The following AGER variants were observed in gnomAD, a reference collection of about 807,000 sequenced individuals.
The protein encoded by AGER is advanced glycation end product-specific receptor.
A neutral mutation model predicts 48.8 loss-of-function variants in AGER; 46 were observed. The observed-to-expected ratio is 0.94, with a 90% CI of 0.74 to 1.20. AGER has a LOEUF of 1.20. Ranked by LOEUF, AGER falls within the 50% of genes most tolerant of loss-of-function variation. AGER has a pLI of 0.00. For missense variants in AGER, 489 were observed against 515.0 expected (o/e 0.95, Z 0.49); for synonymous variants, 170 against 199.9 (o/e 0.85, Z 1.26).
At chr6:32,183,278 C>T in intron 4 of AGER, 46 bp downstream of exon 4, 2 of 1,613,124 alleles carry the variant, frequency 1.2e-6, no homozygotes, top group Non-Finnish European at 1.7e-6. Context: ...ACACTCGCCT[C>T]CTGTTCACAG....
Position 32,182,448 on chromosome 6 carries a change from T to G in AGER, c.823-60A>C. On this transcript the variant is annotated intron_variant, in intron 7 of 10. Transcript: ENST00000375076. This position sits in a 1 kb window ranked among gnomAD's most constrained non-coding sequence, Gnocchi z 5.1. Reference sequence around the variant, plus strand: ...ACCCTTGTCTTTTTGTCTCCATATCTTCAGATACCCTCTCTTCCTCCTCAG... The same window carrying G: ...ACCCTTGTCTTTTTGTCTCCATATCGTCAGATACCCTCTCTTCCTCCTCAG... 1 of 1,589,548 alleles carries G rather than the reference T, an allele frequency of 6.3e-7. No individual in the cohort carries two copies. Among genetic ancestry groups the G allele is most frequent in the Non-Finnish European group, 8.6e-7 (1 of 1,166,900 alleles).
chr6:32,183,485 G>T, intron 3 of AGER, 70 bp downstream of exon 3: 2 of 1,609,492 alleles, frequency 1.2e-6, no homozygotes, highest in Non-Finnish European at 1.7e-6. Context: ...GCCCTCATGG[G>T]CCAAGGCTGG....
rs1185325795 is a variant in AGER, at chr6:32,181,128, C to T, written c.*15G>A. 6 of 1,613,202 alleles carry T rather than the reference C, an allele frequency of 3.7e-6. No individual in the cohort carries two copies. Among genetic ancestry groups the T allele is most frequent in the Non-Finnish European group, 5.1e-6 (6 of 1,179,284 alleles). On this transcript the variant is annotated 3_prime_UTR_variant, in exon 11 of 11. Coordinates refer to ENST00000375076, the MANE Select transcript of AGER (RefSeq NM_001136.5). The surrounding 1 kb of genome is among the most constrained non-coding windows in gnomAD (Gnocchi z 4.1). The stretch of plus-strand genomic sequence containing the variant: ...AGAAAAGGGAGCTGATGGATGGGAT[C>T]TGTCTGTGGGCCCCTCAAGGCCCTC...
chr6:32,181,110 G>A lies in AGER; in HGVS notation c.*33C>T, dbSNP rs1786095684. Reference sequence around the variant, plus strand: ...GAACAGTTCAAGGGAAAAAGAAAAGGGAGCTGATGGATGGGATCTGTCTGT... The same window carrying A: ...GAACAGTTCAAGGGAAAAAGAAAAGAGAGCTGATGGATGGGATCTGTCTGT... On this transcript the variant is annotated 3_prime_UTR_variant, in exon 11 of 11. Transcript: ENST00000375076. The surrounding 1 kb of genome is among the most constrained non-coding windows in gnomAD (Gnocchi z 4.1). 1.9e-6 allele frequency: 3 copies of A among 1,605,728 alleles called. No individual in the cohort carries two copies. The highest frequency in any genetic ancestry group is 2.2e-5 in the East Asian group (1 of 44,830).
Position 32,182,624 on chromosome 6 carries a change from T to C in AGER, c.766A>G (p.Thr256Ala), listed in dbSNP as rs1216234933. 8 of 1,612,862 alleles carry C rather than the reference T, an allele frequency of 5.0e-6. No homozygotes were observed. Among genetic ancestry groups the C allele is most frequent in the Non-Finnish European group, 6.8e-6 (8 of 1,180,008 alleles). ...GGAVAPGGTV[T>A]LTCEVPAQPS... Reference sequence around the variant, plus strand: ...TGGGCAGGGACTTCACAGGTCAGGGTTACGGTTCCACCAGGAGCTACTGCT... The same window carrying C: ...TGGGCAGGGACTTCACAGGTCAGGGCTACGGTTCCACCAGGAGCTACTGCT... Residue 256 changes from threonine to alanine, a missense_variant, in exon 7 of 11, where the codon ACC becomes GCC. Thr to Ala is a moderately conservative substitution (Grantham distance 58). Coordinates refer to ENST00000375076, the MANE Select transcript of AGER (RefSeq NM_001136.5). The surrounding 1 kb of genome is among the most constrained non-coding windows in gnomAD (Gnocchi z 5.1).
chr6:32,182,971 T>C lies in AGER; in HGVS notation c.561A>G (p.Thr187=). Reference sequence around the variant, plus strand: ...GGGTCACCATTAGCTCCGACTGCAGTGTGAAGAGCCCTGTCTCAGGGTGTC... The same window carrying C: ...GGGTCACCATTAGCTCCGACTGCAGCGTGAAGAGCCCTGTCTCAGGGTGTC... ...TRRHPETGLF[T]LQSELMVTPA... is the part of the protein sequence containing the mutation. The change falls in exon 6 of 11, where the codon ACA becomes ACG. Residue 187 remains threonine, a synonymous_variant. Transcript: ENST00000375076. The surrounding 1 kb of genome is among the most constrained non-coding windows in gnomAD (Gnocchi z 5.1). 6.2e-7 allele frequency: 1 copy of C among 1,612,824 alleles called. No homozygotes were observed. Among genetic ancestry groups the C allele is most frequent in the South Asian group, 1.1e-5 (1 of 91,082 alleles).
At position 32,181,556 on chromosome 6, in the gene AGER, C is replaced by T. The variant is rs1786217830; in HGVS notation, c.991+50G>A. The T allele has an allele frequency of 1.9e-6, 3 of 1,613,136 alleles. No individual in the cohort carries two copies. The highest frequency in any genetic ancestry group is 2.5e-6 in the Non-Finnish European group (3 of 1,180,036). On this transcript the variant is annotated intron_variant, in intron 9 of 10. Transcript: ENST00000375076. This position sits in a 1 kb window ranked among gnomAD's most constrained non-coding sequence, Gnocchi z 4.1. ...TTCTTGTTGACCATCCCCCCAGTCA[C>T]ATGTGTTGGGGGCTATCTTCTGCTT...
rs970004346 is a variant in AGER, at chr6:32,183,340, G to A, written c.404C>T (p.Ala135Val). 5.6e-6 allele frequency: 9 copies of A among 1,613,010 alleles called. No homozygotes were observed. Among genetic ancestry groups the A allele is most frequent in the Non-Finnish European group, 7.6e-6 (9 of 1,180,042 alleles). The change falls in exon 4 of 11, where the codon GCT becomes GTT. Residue 135 changes from alanine to valine, a missense_variant. By Grantham distance (64) the Ala-to-Val change is moderately conservative (BLOSUM62 0). Coordinates refer to ENST00000375076, the MANE Select transcript of AGER (RefSeq NM_001136.5). Reference protein sequence around the residue: ...EIVDSASELTAGVPNKVGTCV... With the variant: ...EIVDSASELTVGVPNKVGTCV... ...TTCCACTACCTTATTGGGAACACCAGCCGTGAGTTCAGAGGCAGAATCTAC... is the reference window on the plus strand; with the variant it reads ...TTCCACTACCTTATTGGGAACACCAACCGTGAGTTCAGAGGCAGAATCTAC...
Position 32,181,155 on chromosome 6 carries a change from A to G in AGER, c.1203T>C (p.Thr401=), listed in dbSNP as rs1361358489. 6.2e-7 allele frequency: 1 copy of G among 1,614,106 alleles called. No individual in the cohort carries two copies. The highest frequency in any genetic ancestry group is 8.5e-7 in the Non-Finnish European group (1 of 1,180,042). The change falls in exon 11 of 11, where the codon ACT becomes ACC. Residue 401 remains threonine, a synonymous_variant. Coordinates refer to ENST00000375076, the MANE Select transcript of AGER (RefSeq NM_001136.5). The surrounding 1 kb of genome is among the most constrained non-coding windows in gnomAD (Gnocchi z 4.1). ...SEEPEAGESS[T]GGP is the part of the protein sequence containing the mutation. ...GTCTGTGGGCCCCTCAAGGCCCTCC[A>G]GTACTACTCTCGCCTGCCTCAGGTT...
Position 32,182,773 on chromosome 6 carries a change from C to T in AGER, c.691+68G>A. 1 of 1,612,924 alleles carries T rather than the reference C, an allele frequency of 6.2e-7. No individual in the cohort carries two copies. Reference sequence around the variant, plus strand: ...CCAGTGGCCATGGGCTTGACTCCCTCTTTCCCTAAGGGTCAGACTTCCAGA... The same window carrying T: ...CCAGTGGCCATGGGCTTGACTCCCTTTTTCCCTAAGGGTCAGACTTCCAGA... On this transcript the variant is annotated intron_variant, in intron 6 of 10. Transcript: ENST00000375076. The surrounding 1 kb of genome is among the most constrained non-coding windows in gnomAD (Gnocchi z 5.1).
At position 32,181,968 on chromosome 6, in the gene AGER, G is replaced by A. The variant is rs536267051; in HGVS notation, c.964+279C>T. On this transcript the variant is annotated intron_variant, in intron 8 of 10. Transcript: ENST00000375076. The surrounding 1 kb of genome is among the most constrained non-coding windows in gnomAD (Gnocchi z 4.1). ...GGCTGGTCTCGAACTCCCTACCTCA[G>A]GTGATCTGCCCGCCTCAGCCTCCCA... is the stretch of plus-strand genomic sequence containing the variant. The A allele has an allele frequency of 3.9e-4, 245 of 633,678 alleles. 1 individual carries two copies. The East Asian group carries it at 6.4e-3, about 17-fold the overall frequency. 39.3% of individuals were successfully genotyped at this position (633,678 alleles called of 1,614,324 possible).
In AGER at chr6:32,182,041, CTTT is replaced by C; in HGVS notation, c.964+203_964+205del. ...AGCCACCGCGCCCAGCCGTCTGTTCCTTTTTTTAGCTCAGAGGGAAGAAGGGAG... is the reference window on the plus strand; with the variant it reads ...AGCCACCGCGCCCAGCCGTCTGTTCCTTTTAGCTCAGAGGGAAGAAGGGAG... On this transcript the variant is annotated intron_variant, in intron 8 of 10. Coordinates refer to ENST00000375076, the MANE Select transcript of AGER (RefSeq NM_001136.5). The surrounding 1 kb of genome is among the most constrained non-coding windows in gnomAD (Gnocchi z 5.1). 1 of 824,234 alleles carries C rather than the reference CTTT, an allele frequency of 1.2e-6. No homozygotes were observed. The highest frequency in any genetic ancestry group is 2.0e-5 in the Admixed American group (1 of 49,864). 51.1% of individuals were successfully genotyped at this position (824,234 alleles called of 1,614,324 possible).
chr6:32,182,824 T>C lies in AGER; in HGVS notation c.691+17A>G, dbSNP rs746995884. ...ACGTGCTCACGTGAGCTTGGGGCCCTCCCCACCTATGCTCACCCCAGACAC... is the reference window on the plus strand; with the variant it reads ...ACGTGCTCACGTGAGCTTGGGGCCCCCCCCACCTATGCTCACCCCAGACAC... On this transcript the variant is annotated intron_variant, in intron 6 of 10. Coordinates refer to ENST00000375076, the MANE Select transcript of AGER (RefSeq NM_001136.5). This position sits in a 1 kb window ranked among gnomAD's most constrained non-coding sequence, Gnocchi z 5.1. 3.1e-6 allele frequency: 5 copies of C among 1,612,282 alleles called. No homozygotes were observed. Among genetic ancestry groups the C allele is most frequent in the Non-Finnish European group, 4.2e-6 (5 of 1,179,832 alleles).
Position 32,184,252 on chromosome 6 carries a change from C to G in AGER, c.-30G>C. The stretch of plus-strand genomic sequence containing the variant: ...CTTCCTTCCAGGGTCCTGGCTCTGT[C>G]TGCCCCTCTCCCTGCTGTGGCCTCC... On this transcript the variant is annotated 5_prime_UTR_variant, in exon 1 of 11. Transcript: ENST00000375076. 1 of 1,605,190 alleles carries G rather than the reference C, an allele frequency of 6.2e-7. No individual in the cohort carries two copies. Among genetic ancestry groups the G allele is most frequent in the Non-Finnish European group, 8.5e-7 (1 of 1,175,836 alleles).
At chr6:32,183,818 G>A (rs1786721139) in intron 2 of AGER, 63 bp downstream of exon 2, 13 of 1,611,330 alleles carry the variant, frequency 8.1e-6, no homozygotes, top group African/African-American at 4.0e-5. Flanking sequence ...GCAGAGTGAC[G>A]GGGATCCAAA....
chr6:32,182,832 T>C lies in AGER; in HGVS notation c.691+9A>G. Reference sequence around the variant, plus strand: ...ACGTGAGCTTGGGGCCCTCCCCACCTATGCTCACCCCAGACACGGGGCTGG... The same window carrying C: ...ACGTGAGCTTGGGGCCCTCCCCACCCATGCTCACCCCAGACACGGGGCTGG... On this transcript the variant is annotated intron_variant, in intron 6 of 10. Transcript: ENST00000375076. The surrounding 1 kb of genome is among the most constrained non-coding windows in gnomAD (Gnocchi z 5.1). 6.2e-7 allele frequency: 1 copy of C among 1,612,404 alleles called. No homozygotes were observed.
At chr6:32,183,084 A>G in intron 5 of AGER, 30 bp downstream of exon 5, 1 of 1,612,964 alleles carries the variant, frequency 6.2e-7, no homozygotes, top group Admixed American at 1.7e-5. Context: ...ATCAGGGAGA[A>G]GGCAGCTTGG....
At position 32,182,337 on chromosome 6, in the gene AGER, C is replaced by G. The variant is rs771753637; in HGVS notation, c.874G>C (p.Gly292Arg). ...PSPVLILPEI[G>R]PQDQGTYSCV... is the part of the protein sequence containing the mutation. Reference sequence around the variant, plus strand: ...CTGTAGGTTCCCTGGTCCTGAGGCCCTATCTCAGGGAGGATCAGCACAGGG... The same window carrying G: ...CTGTAGGTTCCCTGGTCCTGAGGCCGTATCTCAGGGAGGATCAGCACAGGG... Residue 292 changes from glycine to arginine, a missense_variant, in exon 8 of 11, where the codon GGG (glycine) becomes CGG (arginine). Coordinates refer to ENST00000375076, the MANE Select transcript of AGER (RefSeq NM_001136.5). The surrounding 1 kb of genome is among the most constrained non-coding windows in gnomAD (Gnocchi z 5.1). 5 of 1,612,152 alleles carry G rather than the reference C, an allele frequency of 3.1e-6. No homozygotes were observed. The highest frequency in any genetic ancestry group is 1.7e-5 in the Admixed American group (1 of 60,006).
In AGER at chr6:32,181,153, C is replaced by T. The variant is rs775449476; in HGVS notation, c.1205G>A (p.Gly402Glu). The change falls in exon 11 of 11, where the codon GGA (glycine) becomes GAA (glutamate). Residue 402 changes from glycine (G) to glutamate (E), a missense_variant. Coordinates refer to ENST00000375076, the MANE Select transcript of AGER (RefSeq NM_001136.5). The surrounding 1 kb of genome is among the most constrained non-coding windows in gnomAD (Gnocchi z 4.1). ...EEPEAGESST[G>E]GP The stretch of plus-strand genomic sequence containing the variant: ...CTGTCTGTGGGCCCCTCAAGGCCCT[C>T]CAGTACTACTCTCGCCTGCCTCAGG... 8.1e-6 allele frequency: 13 copies of T among 1,614,084 alleles called. No homozygotes were observed. Among genetic ancestry groups the T allele is most frequent in the Non-Finnish European group, 1.0e-5 (12 of 1,180,030 alleles).
Sources: gnomAD v4.1 joint callset for allele counts on GRCh38, gnomAD v4.1.1 for gene constraint, Gnocchi (gnomAD v3.1) non-coding constraint, MANE v1.5 for transcripts, NCBI Gene and HGNC (gene_info 2026-07-23, HGNC 2026-07-21) for gene names.